COL22A1: variants seen among roughly 807,000 people sequenced by gnomAD.
The protein encoded by COL22A1 is collagen alpha-1(XXII) chain.
COL22A1 carries 221 observed loss-of-function variants against 248.9 expected under a neutral mutation model. The ratio of observed to expected loss-of-function variants is 0.89; its 90% CI spans 0.80 to 0.99. The LOEUF is 0.99. Ranked by LOEUF, COL22A1 falls within the 50% of genes least tolerant of loss-of-function variation. The pLI is 0.00. For missense variants in COL22A1, 2,240 were observed against 2,179.0 expected, an observed-to-expected ratio of 1.03 and a Z score of -0.56; for synonymous variants, 891 against 793.4, an observed-to-expected ratio of 1.12 and a Z score of -2.07.
chr8:138,600,805 A>T (rs187321208), intron 60 of COL22A1, among the ~76,000 whole-genome samples: 1 of 152,252 alleles, frequency 6.6e-6, no homozygotes, highest in African/African-American at 2.4e-5. Flanking sequence ...AGGACGTTGC[A>T]ATCTCTGTCA....
chr8:138,589,242 T>C lies in COL22A1; in HGVS notation c.*11A>G. On this transcript the variant is annotated 3_prime_UTR_variant, in exon 65 of 65. Transcript: ENST00000303045. ...GAAATCCACTGCAGTCTTCTGGCTTTCCAGAGTCCTTTAGGGACCCTTCAC... is the reference window on the plus strand; with the variant it reads ...GAAATCCACTGCAGTCTTCTGGCTTCCCAGAGTCCTTTAGGGACCCTTCAC... 6.2e-7 allele frequency: 1 copy of C among 1,611,694 alleles called. No individual in the cohort carries two copies. The highest frequency in any genetic ancestry group is 8.5e-7 in the Non-Finnish European group (1 of 1,178,956).
chr8:138,827,590 G>A (rs1207984448), intron 5 of COL22A1, among the ~76,000 whole-genome samples: 1 of 152,026 alleles, frequency 6.6e-6, no homozygotes, highest in South Asian at 2.1e-4. Context: ...GGCCTGTGGA[G>A]CCAGCCTCTC....
intron 32 of COL22A1, among the ~76,000 whole-genome samples, chr8:138,699,496 A>G (rs1371087802): frequency 2.0e-5 from 3 of 152,254 alleles, no homozygotes; most frequent in Non-Finnish European, 4.4e-5. Flanking sequence ...TACAGCATAA[A>G]GAGATCCTGA....
intron 22 of COL22A1, among the ~76,000 whole-genome samples, chr8:138,742,188 T>C (rs1831640125): frequency 6.6e-6 from 1 of 151,586 alleles, no homozygotes; most frequent in Admixed American, 6.6e-5. Flanking sequence ...GTAAAGTTGA[T>C]GATGGTAATA....
chr8:138,820,837 C>T (rs188400570), intron 7 of COL22A1, among the ~76,000 whole-genome samples: 136 of 152,304 alleles, frequency 8.9e-4, no homozygotes, highest in Non-Finnish European at 1.6e-3. Context: ...CTCTCTTTTG[C>T]GGGTACCGGT....
intron 12 of COL22A1, 29 bp downstream of exon 12, chr8:138,796,790 G>A: frequency 1.3e-6 from 2 of 1,498,590 alleles, no homozygotes; most frequent in Non-Finnish European, 1.9e-6. Context: ...CATTCCCTTG[G>A]AGGAGTGTGA....
intron 3 of COL22A1, among the ~76,000 whole-genome samples, chr8:138,863,201 T>C (rs1027315773): frequency 2.0e-5 from 3 of 152,234 alleles, no homozygotes; most frequent in African/African-American, 7.2e-5. Flanking sequence ...AGGCCACTTG[T>C]GGCTTCCAAG....
intron 44 of COL22A1, 40 bp downstream of exon 44, chr8:138,660,396 C>G (rs1436345697): frequency 6.4e-7 from 1 of 1,573,630 alleles, no homozygotes; most frequent in South Asian, 1.1e-5. Context: ...TACGCCCTGA[C>G]TGATAGTCAA....
intron 44 of COL22A1, among the ~76,000 whole-genome samples, chr8:138,659,935 G>C (rs760359508): frequency 6.6e-6 from 1 of 152,202 alleles, no homozygotes; most frequent in Non-Finnish European, 1.5e-5. Context: ...GCTAGGAAAC[G>C]GGCAAGTTAG....
intron 46 of COL22A1, among the ~76,000 whole-genome samples, chr8:138,648,032 T>C (rs1822363434): frequency 6.6e-6 from 1 of 152,250 alleles, no homozygotes; most frequent in Admixed American, 6.5e-5. Context: ...ACCCATGACA[T>C]GGATGTAAGT....
In COL22A1 at chr8:138,756,841, G is replaced by A. The variant is rs187822212; in HGVS notation, c.1903-1012C>T. Among the ~76,000 whole-genome samples the A allele has an allele frequency of 8.5e-4, 130 of 152,138 alleles. 2 individuals are homozygous for A. The highest frequency in any genetic ancestry group is 1.7e-3 in the Non-Finnish European group (115 of 67,996). On this transcript the variant is annotated intron_variant, in intron 18 of 64. Transcript: ENST00000303045. Reference sequence around the variant, plus strand: ...TGCCCTGTCTCCCATCCCTGCCCGAGACCTGGAAAAATCACCTCACTTTTC... The same window carrying A: ...TGCCCTGTCTCCCATCCCTGCCCGAAACCTGGAAAAATCACCTCACTTTTC...
At chr8:138,843,047 C>T (rs1586871014) in intron 4 of COL22A1, among the ~76,000 whole-genome samples, 2 of 152,140 alleles carry the variant, frequency 1.3e-5, no homozygotes, top group South Asian at 4.1e-4. Flanking sequence ...TCAGAATAAT[C>T]CCACCTAAGG....
chr8:138,847,059 G>A (rs1297837137), intron 3 of COL22A1, among the ~76,000 whole-genome samples: 1 of 152,160 alleles, frequency 6.6e-6, no homozygotes, highest in Admixed American at 6.5e-5. Flanking sequence ...AGCCTGGGTA[G>A]GGAGCCCTTC....
intron 22 of COL22A1, among the ~76,000 whole-genome samples, chr8:138,749,225 A>G (rs1224564084): frequency 6.6e-6 from 1 of 152,114 alleles, no homozygotes; most frequent in Non-Finnish European, 1.5e-5. Flanking sequence ...TATAAATTAC[A>G]CAGTCTTGGG....
intron 23 of COL22A1, among the ~76,000 whole-genome samples, chr8:138,734,945 T>C (rs2131238075): frequency 6.6e-6 from 1 of 152,210 alleles, no homozygotes; most frequent in Non-Finnish European, 1.5e-5. Context: ...ATGTTCTCAC[T>C]CATAAGTGGG....
intron 49 of COL22A1, among the ~76,000 whole-genome samples, chr8:138,632,378 C>T (rs1820796265): frequency 6.6e-6 from 1 of 152,150 alleles, no homozygotes; most frequent in African/African-American, 2.4e-5. Context: ...GAATTCATGA[C>T]ACATAAGGAG....
At chr8:138,879,690 C>CAA (rs372214665) in intron 2 of COL22A1, among the ~76,000 whole-genome samples, 6,041 of 98,816 alleles carry the variant, frequency 0.061, 224 homozygotes, top group Non-Finnish European at 0.077. Context: ...GACACTCTCT[C>CAA]AAAAAAAAAA....
chr8:138,811,368 T>TAC (rs1818212254), intron 9 of COL22A1, among the ~76,000 whole-genome samples: 1 of 123,468 alleles, frequency 8.1e-6, no homozygotes, highest in Non-Finnish European at 1.8e-5. Context: ...CATATATATA[T>TAC]ATACACGTGT....
At chr8:138,595,200 C>T (rs556279714) in intron 62 of COL22A1, among the ~76,000 whole-genome samples, 11 of 152,098 alleles carry the variant, frequency 7.2e-5, no homozygotes, top group Non-Finnish European at 1.3e-4. Flanking sequence ...AGAGTGTCTC[C>T]CTCCTACTAC....
Sources: gnomAD v4.1 joint callset for allele counts (sites outside exome capture counted in the v4.1 genomes callset) on GRCh38, gnomAD v4.1.1 for gene constraint, MANE v1.5 for transcripts, NCBI Gene and HGNC (gene_info 2026-07-23, HGNC 2026-07-21) for gene names.